The following PIGG variants were observed in gnomAD, a reference collection of about 807,000 sequenced individuals.
PIGG encodes GPI ethanolamine phosphate transferase 2, catalytic subunit.
PIGG carries 70 observed loss-of-function variants against 83.2 expected under a neutral mutation model. The ratio of observed to expected loss-of-function variants is 0.84; its 90% confidence interval spans 0.69 to 1.03. The LOEUF is 1.03. PIGG is among the 50% of genes least tolerant of loss of function. The probability of loss-of-function intolerance (pLI) is 0.00; values close to 1 mark genes in which losing one functional copy is unlikely to be tolerated. For missense variants in PIGG, 1,257 were observed against 1,233.6 expected, an observed-to-expected ratio of 1.02 and a Z score of -0.28; for synonymous variants, 532 against 519.5, an observed-to-expected ratio of 1.02 and a Z score of -0.33.
At position 521,087 on chromosome 4, in the gene PIGG, A is replaced by C; in HGVS notation, c.1146A>C (p.Glu382Asp). ...GGTTTGAGCAGTTTAAAATGTCAGA[A>C]AGATTGCATGGGAACTGGATCAGAC... is the stretch of plus-strand genomic sequence containing the variant. ...DPGFEQFKMS[E>D]RLHGNWIRLY... Residue 382 changes from glutamate (E) to aspartate (D), a missense_variant, in exon 7 of 13, where the codon GAA becomes GAC. By Grantham distance (45) the Glu-to-Asp change is conservative. Transcript: ENST00000453061. 1 of 1,614,120 alleles carries C rather than the reference A, an allele frequency of 6.2e-7. No homozygotes were observed.
Position 516,115 on chromosome 4 carries a change from G to T in PIGG, c.1044G>T (p.Leu348Phe). The T allele has an allele frequency of 6.2e-7, 1 of 1,613,840 alleles. No homozygotes were observed. Among genetic ancestry groups the T allele is most frequent in the Non-Finnish European group, 8.5e-7 (1 of 1,179,870 alleles). Reference protein sequence around the residue: ...VVEGRPMREQLRFLHLNTVQL... With the variant: ...VVEGRPMREQFRFLHLNTVQL... Reference sequence around the variant, plus strand: ...AAGGAAGACCAATGAGAGAGCAGTTGAGATTTTTACATTTGAATACAGTGC... The same window carrying T: ...AAGGAAGACCAATGAGAGAGCAGTTTAGATTTTTACATTTGAATACAGTGC... Residue 348 changes from leucine (L) to phenylalanine (F), a missense_variant, in exon 6 of 13, where the codon TTG becomes TTT. By Grantham distance (22) the Leu-to-Phe change is conservative. Coordinates refer to ENST00000453061, the MANE Select transcript of PIGG (RefSeq NM_001127178.3).
chr4:533,923 G>T lies in PIGG; in HGVS notation c.2677G>T (p.Ala893Ser). Residue 893 changes from alanine (A) to serine (S), a missense_variant, in exon 12 of 13, where the codon GCA (alanine) becomes TCA (serine). Physicochemically the swap from Ala to Ser is moderately conservative, Grantham distance 99. Transcript: ENST00000453061. ...GCTCCTGACAGCGTTTGGGACGTACGCAGGGCCTGTGCTGTGGGCCAGCCA... is the reference window on the plus strand; with the variant it reads ...GCTCCTGACAGCGTTTGGGACGTACTCAGGGCCTGTGCTGTGGGCCAGCCA... The part of the protein sequence containing the change: ...AVLLTAFGTY[A>S]GPVLWASHLV... 4.3e-6 allele frequency: 7 copies of T among 1,614,148 alleles called. No individual in the cohort carries two copies. The highest frequency in any genetic ancestry group is 5.1e-6 in the Non-Finnish European group (6 of 1,179,986).
At chr4:506,816 C>T (rs1553879676) in intron 3 of PIGG, 1 of 456,158 alleles carries the variant, frequency 2.2e-6, no homozygotes, top group East Asian at 6.9e-5. Flanking sequence ...TCTTGTAGGA[C>T]ACATGTAGAT....
rs578105753 is a variant in PIGG, at chr4:499,734, T to A, written c.154+245T>A. On this transcript the variant is annotated intron_variant, in intron 1 of 12. Transcript: ENST00000453061. ...TTCCTGATCACCACAAAGTAAGCTG[T>A]GTCCATACCTGGGATCCAGCCTCTC... The A allele has an allele frequency of 2.2e-4, 296 of 1,355,412 alleles. 1 individual carries two copies. The highest frequency in any genetic ancestry group is 1.1e-5 in the Non-Finnish European group (12 of 1,058,846). 84.0% of individuals were successfully genotyped at this position (1,355,412 alleles called of 1,614,324 possible).
intron 11 of PIGG, chr4:530,979 A>G: frequency 1.9e-6 from 1 of 520,656 alleles, no homozygotes; most frequent in South Asian, 2.9e-5. Context: ...TTGCTGGGCC[A>G]GGCCTGGGTT....
rs769106315 is a variant in PIGG, at chr4:521,752, CT to C, written c.1429del (p.Tyr477IlefsTer3). 1 of 1,614,192 alleles carries C rather than the reference CT, an allele frequency of 6.2e-7. No individual in the cohort carries two copies. Among genetic ancestry groups the C allele is most frequent in the Non-Finnish European group, 8.5e-7 (1 of 1,180,036 alleles). ...TGTCATCTCCTGGGTTTTCTCTGCTCTTTTATTTGGTGATCCTGGTTCTTTC... is the reference window on the plus strand; with the variant it reads ...TGTCATCTCCTGGGTTTTCTCTGCTCTTTATTTGGTGATCCTGGTTCTTTC... ...PLSSPGFSLL[F>X]YLVILVLSAV... On this transcript the variant is annotated frameshift_variant, in exon 8 of 13. Coordinates refer to ENST00000453061, the MANE Select transcript of PIGG (RefSeq NM_001127178.3). LOFTEE classifies it high-confidence loss of function.
intron 2 of PIGG, 76 bp from the exon 3 acceptor site, chr4:505,642 A>AAC (rs1189213888): frequency 6.3e-6 from 7 of 1,110,074 alleles, no homozygotes; most frequent in South Asian, 1.4e-5. Context: ...CAAAAAAAAA[A>AAC]AAAAAAATCT....
At chr4:503,660 A>G (rs1178623050) in intron 2 of PIGG, among the ~76,000 whole-genome samples, 1 of 152,032 alleles carries the variant, frequency 6.6e-6, no homozygotes, top group Non-Finnish European at 1.5e-5. Flanking sequence ...TCTTGGTTAA[A>G]TACGTTATTG....
In PIGG at chr4:505,799, A is replaced by G; in HGVS notation, c.442A>G (p.Ile148Val). 1 of 1,613,704 alleles carries G rather than the reference A, an allele frequency of 6.2e-7. No individual in the cohort carries two copies. Among genetic ancestry groups the G allele is most frequent in the Non-Finnish European group, 8.5e-7 (1 of 1,179,880 alleles). ...NSPALLEDSV[I>V]RQAKAAGKRI... The stretch of plus-strand genomic sequence containing the variant: ...TCCTGCACTGCTGGAAGACAGTGTG[A>G]TAAGACAAGCAAAAGCAGCTGGAAA... Residue 148 changes from isoleucine (I) to valine (V), a missense_variant, in exon 3 of 13, where the codon ATA becomes GTA. Physicochemically the swap from Ile to Val is conservative, Grantham distance 29. Transcript: ENST00000453061.
intron 4 of PIGG, 53 bp downstream of exon 4, chr4:507,646 C>G (rs1264057074): frequency 6.1e-6 from 9 of 1,464,742 alleles, no homozygotes; most frequent in Non-Finnish European, 8.4e-6. Context: ...GTGGATGTTC[C>G]CTAGAATAAA....
chr4:507,347 G>A, intron 3 of PIGG, 58 bp from the exon 4 acceptor site: 1 of 1,347,314 alleles, frequency 7.4e-7, no homozygotes, highest in Non-Finnish European at 1.0e-6. Flanking sequence ...TTTTCCCCGG[G>A]GAGTGAAGAT....
At chr4:505,566 A>G (rs1719352114) in intron 2 of PIGG, 152 bp from the exon 3 acceptor site, 2 of 586,276 alleles carry the variant, frequency 3.4e-6, no homozygotes, top group African/African-American at 3.8e-5. Context: ...CCAGGAGTTC[A>G]AAGCTGCAGT....
rs528062405 is a variant in PIGG, at chr4:500,036, CATGTAAACGCAGT to C, written c.155-349_155-337del. The C allele has an allele frequency of 9.2e-4, 246 of 267,692 alleles. 1 individual carries two copies. Among genetic ancestry groups the C allele is most frequent in the Non-Finnish European group, 1.5e-3 (213 of 139,226 alleles). 16.6% of individuals were successfully genotyped at this position (267,692 alleles called of 1,614,324 possible). A position where few individuals can be genotyped will look rare whatever the true frequency, so the allele number is the denominator to read the frequency against. On this transcript the variant is annotated intron_variant, in intron 1 of 12. Transcript: ENST00000453061. The stretch of plus-strand genomic sequence containing the variant: ...CTTGCACACATCGCCAGCCGCTGAC[CATGTAAACGCAGT>C]ATGTAAACGCCCAGCCATCCCGTAG...
chr4:499,274 C>T lies in PIGG; in HGVS notation c.-62C>T, dbSNP rs1716597747. On this transcript the variant is annotated 5_prime_UTR_variant, in exon 1 of 13. Transcript: ENST00000453061. Reference sequence around the variant, plus strand: ...AGGCGGCTACCTGGAGCCGGAAGCGCGGCTGCAGCAGGGCGAGGCTCCAGG... The same window carrying T: ...AGGCGGCTACCTGGAGCCGGAAGCGTGGCTGCAGCAGGGCGAGGCTCCAGG... 1.9e-6 allele frequency: 3 copies of T among 1,561,630 alleles called. No individual in the cohort carries two copies. The highest frequency in any genetic ancestry group is 1.7e-6 in the Non-Finnish European group (2 of 1,155,522).
intron 10 of PIGG, 175 bp downstream of exon 10, chr4:527,405 G>A (rs946657716): frequency 2.2e-6 from 3 of 1,346,778 alleles, no homozygotes; most frequent in Admixed American, 7.2e-5. Context: ...CTACTGGAGT[G>A]TAACTAAGAA....
chr4:539,485 TTAGAC>T lies in PIGG; in HGVS notation c.*119_*123del. ...CTTTCTTTGACTGCTCTACCTGAATTTAGACTAAGCAGTAAATAGTTTAATAAAAG... is the reference window on the plus strand; with the variant it reads ...CTTTCTTTGACTGCTCTACCTGAATTTAAGCAGTAAATAGTTTAATAAAAG... On this transcript the variant is annotated 3_prime_UTR_variant, in exon 13 of 13. Coordinates refer to ENST00000453061, the MANE Select transcript of PIGG (RefSeq NM_001127178.3). 1.6e-6 allele frequency: 1 copy of T among 641,734 alleles called. No homozygotes were observed. The highest frequency in any genetic ancestry group is 2.7e-6 in the Non-Finnish European group (1 of 364,140). 39.8% of individuals were successfully genotyped at this position (641,734 alleles called of 1,614,324 possible).
chr4:500,537 A>C lies in PIGG; in HGVS notation c.296A>C (p.Lys99Thr), dbSNP rs782529475. The change falls in exon 2 of 13, where the codon AAA becomes ACA. Residue 99 changes from lysine to threonine, a missense_variant. Physicochemically the swap from Lys to Thr is moderately conservative, Grantham distance 78. Transcript: ENST00000453061. ...CCCTACACAACTTACCTTGTGGAAAAAGGAGCATCTCACAGTTTTGTGGCT... is the reference window on the plus strand; with the variant it reads ...CCCTACACAACTTACCTTGTGGAAACAGGAGCATCTCACAGTTTTGTGGCT... ...FMPYTTYLVEKGASHSFVAEA... is the reference protein window; with the variant it reads ...FMPYTTYLVETGASHSFVAEA... 2 of 1,613,830 alleles carry C rather than the reference A, an allele frequency of 1.2e-6. No homozygotes were observed. The highest frequency in any genetic ancestry group is 2.2e-5 in the East Asian group (1 of 44,882).
In PIGG at chr4:515,797, G is replaced by A. The variant is rs529778317; in HGVS notation, c.902-176G>A. The stretch of plus-strand genomic sequence containing the variant: ...AGACACCGTCCCTGGCATAGAATGG[G>A]TTCGGTAACTATCAACACAGCAAGC... On this transcript the variant is annotated intron_variant, in intron 5 of 12. Coordinates refer to ENST00000453061, the MANE Select transcript of PIGG (RefSeq NM_001127178.3). This position sits in a 1 kb window ranked among gnomAD's most constrained non-coding sequence, Gnocchi z 4.2. Among the ~76,000 whole-genome samples, 2 of 152,368 alleles carry A rather than the reference G, an allele frequency of 1.3e-5. No individual in the cohort carries two copies. Among genetic ancestry groups the A allele is most frequent in the African/African-American group, 4.8e-5 (2 of 41,590 alleles).
rs1727790610 is a variant in PIGG at position 526,958 on chromosome 4, C to T, written c.2070-81C>T. 65 of 1,466,480 alleles carry T rather than the reference C, an allele frequency of 4.4e-5. 2 individuals carry two copies. Among genetic ancestry groups the T allele is most frequent in the South Asian group, 3.5e-4 (28 of 79,414 alleles). 90.8% of individuals were successfully genotyped at this position (1,466,480 alleles called of 1,614,324 possible). On this transcript the variant is annotated intron_variant, in intron 9 of 12. Transcript: ENST00000453061. The stretch of plus-strand genomic sequence containing the variant: ...GGGAAAATCAGCTATTTTTTAATAC[C>T]GTTCTTTGAAAGCCACTTGGTGTAG...
Sources: gnomAD v4.1 joint callset for allele counts (sites outside exome capture counted in the v4.1 genomes callset) on GRCh38, gnomAD v4.1.1 for gene constraint, Gnocchi (gnomAD v3.1) non-coding constraint, MANE v1.5 for transcripts, NCBI Gene and HGNC (gene_info 2026-07-23, HGNC 2026-07-21) for gene names.